The following ARSJ variants were observed in gnomAD, a reference collection of about 807,000 sequenced individuals.
ARSJ encodes arylsulfatase J.
ARSJ carries 26 observed loss-of-function variants against 35.9 expected under a neutral mutation model. The observed-to-expected ratio is 0.72, with a 90% CI of 0.53 to 1.00. The LOEUF (loss-of-function observed/expected upper bound fraction) is 1.00, where lower values mean the gene tolerates loss of function less well. Ranked by LOEUF, ARSJ falls within the 50% of genes least tolerant of loss-of-function variation. ARSJ has a pLI of 0.00. For synonymous variants in ARSJ, 294 were observed against 267.6 expected, an observed-to-expected ratio of 1.10 and a Z score of -0.96; for missense variants, 667 against 723.6, an observed-to-expected ratio of 0.92 and a Z score of 0.90.
chr4:113,936,936 G>A (rs1295042065), intron 1 of ARSJ, among the ~76,000 whole-genome samples: 4 of 151,706 alleles, frequency 2.6e-5, no homozygotes, highest in African/African-American at 9.7e-5. Flanking sequence ...GTATTGTACC[G>A]AGTCTGAGAA....
chr4:113,905,660 ATTTTTTTTTT>A (rs766150372), intron 1 of ARSJ, among the ~76,000 whole-genome samples: 5 of 81,850 alleles, frequency 6.1e-5, no homozygotes, highest in Admixed American at 3.7e-4. Flanking sequence ...GTTCTTGATA[ATTTTTTTTTT>A]TTTTTTTTTT....
Position 113,978,970 on chromosome 4 carries a change from G to T in ARSJ, c.-136C>A. ...CTCCTCTCCTCTCAGCTGTCACCATGTCCGACAACTTTAATCTTCCAGAAG... is the reference window on the plus strand; with the variant it reads ...CTCCTCTCCTCTCAGCTGTCACCATTTCCGACAACTTTAATCTTCCAGAAG... On this transcript the variant is annotated 5_prime_UTR_variant, in exon 1 of 2. Coordinates refer to ENST00000315366, the MANE Select transcript of ARSJ (RefSeq NM_024590.4). 2.2e-6 allele frequency: 2 copies of T among 909,328 alleles called. No individual in the cohort carries two copies. The highest frequency in any genetic ancestry group is 3.3e-6 in the Non-Finnish European group (2 of 610,436). 56.3% of individuals were successfully genotyped at this position (909,328 alleles called of 1,614,324 possible). A position where few individuals can be genotyped will look rare whatever the true frequency, so the allele number is the denominator to read the frequency against.
At chr4:113,929,846 T>C (rs1441511565) in intron 1 of ARSJ, among the ~76,000 whole-genome samples, 1 of 152,134 alleles carries the variant, frequency 6.6e-6, no homozygotes, top group Non-Finnish European at 1.5e-5. Flanking sequence ...TTATGTTCCT[T>C]GGTTCTCCAC....
At chr4:113,974,789 C>G (rs1727491697) in intron 1 of ARSJ, among the ~76,000 whole-genome samples, 1 of 152,148 alleles carries the variant, frequency 6.6e-6, no homozygotes, top group Admixed American at 6.5e-5. Flanking sequence ...ACACAGACAT[C>G]CCTTTAACCC....
chr4:113,927,079 C>A (rs1030736353), intron 1 of ARSJ, among the ~76,000 whole-genome samples: 35 of 152,262 alleles, frequency 2.3e-4, no homozygotes, highest in African/African-American at 7.7e-4. Flanking sequence ...AACTGGCAGC[C>A]TTTCGGGTCA....
chr4:113,956,980 G>C (rs1036303405), intron 1 of ARSJ, among the ~76,000 whole-genome samples: 1 of 152,064 alleles, frequency 6.6e-6, no homozygotes, highest in Non-Finnish European at 1.5e-5. Context: ...GGAAGAGACT[G>C]GTGGCAATGC....
chr4:113,931,346 C>T (rs1724434436), intron 1 of ARSJ, among the ~76,000 whole-genome samples: 1 of 151,764 alleles, frequency 6.6e-6, no homozygotes, highest in African/African-American at 2.4e-5. Context: ...TACTGTGATC[C>T]AAGATTAAGT....
At chr4:113,934,258 A>G (rs952569372) in intron 1 of ARSJ, among the ~76,000 whole-genome samples, 5 of 151,822 alleles carry the variant, frequency 3.3e-5, no homozygotes, top group African/African-American at 4.8e-5. Context: ...TGCTGGGTGT[A>G]TACTCAATAT....
chr4:113,942,431 C>G (rs1272666753), intron 1 of ARSJ, among the ~76,000 whole-genome samples: 1 of 152,020 alleles, frequency 6.6e-6, no homozygotes, highest in Non-Finnish European at 1.5e-5. Context: ...CAACCTTTCA[C>G]AAACTCAAGT....
At chr4:113,949,683 C>G (rs1725733142) in intron 1 of ARSJ, among the ~76,000 whole-genome samples, 1 of 152,068 alleles carries the variant, frequency 6.6e-6, no homozygotes, top group Non-Finnish European at 1.5e-5. Context: ...ATGCCAGTCT[C>G]TGTACTAAGG....
At chr4:113,919,002 T>TG (rs1370031205) in intron 1 of ARSJ, among the ~76,000 whole-genome samples, 1 of 152,190 alleles carries the variant, frequency 6.6e-6, no homozygotes, top group African/African-American at 2.4e-5. Context: ...ATTGGGCTGA[T>TG]CCTGGCATAA....
Position 113,915,193 on chromosome 4 carries a change from T to C in ARSJ, c.399-11518A>G, listed in dbSNP as rs1352804561. 2.6e-5 allele frequency among the ~76,000 whole-genome samples: 4 copies of C among 152,182 alleles called. No homozygotes were observed. The East Asian group carries it at 5.8e-4, about 22-fold the overall frequency. On this transcript the variant is annotated intron_variant, in intron 1 of 1. Transcript: ENST00000315366. Reference sequence around the variant, plus strand: ...TATAAATCTCTGAACTTGTAATCTATCTGTGACTTTGCCCTTTTATTAGTG... The same window carrying C: ...TATAAATCTCTGAACTTGTAATCTACCTGTGACTTTGCCCTTTTATTAGTG...
rs1726147984 is a variant in ARSJ at position 113,955,848 on chromosome 4, C to T, written c.398+22589G>A. ...TGCCTCTCTGAAAATGTTTTAACAA[C>T]AATAATGTTGTGATTATACCTTTCA... On this transcript the variant is annotated intron_variant, in intron 1 of 1. Transcript: ENST00000315366. Among the ~76,000 whole-genome samples, 3 of 152,174 alleles carry T rather than the reference C, an allele frequency of 2.0e-5. No homozygotes were observed. In the South Asian group the frequency reaches 6.2e-4, roughly 32 times the overall value.
chr4:113,978,544 C>G lies in ARSJ; in HGVS notation c.291G>C (p.Glu97Asp). ...GFRDVGYHGS[E>D]IKTPTLDKLA... ...GCTTGTCAAGAGTAGGTGTTTTAAT[C>G]TCAGATCCGTGGTAACCCACATCTC... Residue 97 changes from glutamate to aspartate, a missense_variant, in exon 1 of 2, where the codon GAG (glutamate) becomes GAC (aspartate). Physicochemically the swap from Glu to Asp is conservative, Grantham distance 45 (BLOSUM62 2). Transcript: ENST00000315366. 6.2e-7 allele frequency: 1 copy of G among 1,614,244 alleles called. No homozygotes were observed. Among genetic ancestry groups the G allele is most frequent in the Non-Finnish European group, 8.5e-7 (1 of 1,180,030 alleles).
At chr4:113,937,855 G>A (rs1017290208) in intron 1 of ARSJ, among the ~76,000 whole-genome samples, 2 of 152,008 alleles carry the variant, frequency 1.3e-5, no homozygotes, top group Non-Finnish European at 2.9e-5. Flanking sequence ...CCTCTTCAAG[G>A]AGAACTACAA....
chr4:113,902,899 A>G lies in ARSJ; in HGVS notation c.1175T>C (p.Ile392Thr). Residue 392 changes from isoleucine (I) to threonine (T), a missense_variant, in exon 2 of 2, where the codon ATT becomes ACT. Physicochemically the swap from Ile to Thr is moderately conservative, Grantham distance 89 (BLOSUM62 -1). Coordinates refer to ENST00000315366, the MANE Select transcript of ARSJ (RefSeq NM_024590.4). Reference protein sequence around the residue: ...PTLISLAEGQIDEDIQLDGYD... With the variant: ...PTLISLAEGQTDEDIQLDGYD... ...GCCATCTAGTTGAATGTCCTCATCAATCTGTCCTTCAGCCAGTGAAATGAG... is the reference window on the plus strand; with the variant it reads ...GCCATCTAGTTGAATGTCCTCATCAGTCTGTCCTTCAGCCAGTGAAATGAG... 6.2e-7 allele frequency: 1 copy of G among 1,614,172 alleles called. No individual in the cohort carries two copies. Among genetic ancestry groups the G allele is most frequent in the Non-Finnish European group, 8.5e-7 (1 of 1,180,016 alleles).
intron 1 of ARSJ, among the ~76,000 whole-genome samples, chr4:113,950,768 A>C (rs939207627): frequency 6.6e-6 from 1 of 152,098 alleles, no homozygotes; most frequent in African/African-American, 2.4e-5. Flanking sequence ...TAAGTCTTGC[A>C]CATTAAGAGC....
intron 1 of ARSJ, chr4:113,906,816 AG>A: frequency 2.2e-6 from 1 of 447,632 alleles, no homozygotes; most frequent in South Asian, 1.6e-5. Context: ...CTAGTAAGGA[AG>A]GTATATTTAT....
chr4:113,945,306 T>C (rs1195786673), intron 1 of ARSJ, among the ~76,000 whole-genome samples: 1 of 151,988 alleles, frequency 6.6e-6, no homozygotes, highest in Non-Finnish European at 1.5e-5. Flanking sequence ...AGCTAATTGT[T>C]TGTATTTTTT....
Sources: gnomAD v4.1 joint callset for allele counts (sites outside exome capture counted in the v4.1 genomes callset) on GRCh38, gnomAD v4.1.1 for gene constraint, MANE v1.5 for transcripts, NCBI Gene and HGNC (gene_info 2026-07-23, HGNC 2026-07-21) for gene names.